The following OOSP2 variants were observed in gnomAD, a reference collection of about 807,000 sequenced individuals.
The protein encoded by OOSP2 is oocyte secreted protein 2.
In OOSP2, 7 loss-of-function variants were observed where a neutral mutation model predicts 13.4. The observed-to-expected ratio is 0.52, with a 90% CI of 0.30 to 0.98. The LOEUF (loss-of-function observed/expected upper bound fraction) is 0.98, where lower values mean the gene tolerates loss of function less well. Among genes scored for constraint, OOSP2 ranks in the 50% least tolerant of loss-of-function variants. The probability of loss-of-function intolerance (pLI) is 0.07; values close to 1 mark genes in which losing one functional copy is unlikely to be tolerated. For missense variants in OOSP2, 184 were observed against 188.5 expected, an observed-to-expected ratio of 0.98 and a Z score of 0.14; for synonymous variants, 75 against 67.2, an observed-to-expected ratio of 1.12 and a Z score of -0.57.
intron 1 of OOSP2, 78 bp from the exon 2 acceptor site, chr11:60,043,391 G>T: frequency 2.4e-6 from 2 of 845,678 alleles, no homozygotes; most frequent in South Asian, 1.9e-5. Context: ...TTATCACAGA[G>T]GGCAGAGTTG....
At chr11:60,042,603 A>G (rs1225570922) in intron 1 of OOSP2, among the ~76,000 whole-genome samples, 1 of 152,176 alleles carries the variant, frequency 6.6e-6, no homozygotes, top group Non-Finnish European at 1.5e-5. Context: ...TATAGAGGAT[A>G]AAGATGGGTT....
In OOSP2 at chr11:60,047,153, T is replaced by A; in HGVS notation, c.*80T>A. ...GTTTCATTTTTTCATAGCAAAAATA[T>A]AGTTGGTGTATATCTCTCCTTAAGT... On this transcript the variant is annotated 3_prime_UTR_variant, in exon 4 of 4. Transcript: ENST00000278855. 8.3e-7 allele frequency: 1 copy of A among 1,203,696 alleles called. No individual in the cohort carries two copies. Among genetic ancestry groups the A allele is most frequent in the Non-Finnish European group, 1.2e-6 (1 of 845,494 alleles). 74.6% of individuals were successfully genotyped at this position (1,203,696 alleles called of 1,614,324 possible). A position where few individuals can be genotyped will look rare whatever the true frequency, so the allele number is the denominator to read the frequency against.
chr11:60,046,624 CA>C, intron 3 of OOSP2: 1 of 479,100 alleles, frequency 2.1e-6, no homozygotes, highest in Non-Finnish European at 4.1e-6. Flanking sequence ...TCTTAGGATC[CA>C]TTTGGCTGAG....
intron 2 of OOSP2, among the ~76,000 whole-genome samples, chr11:60,044,287 T>C (rs1854978909): frequency 6.6e-6 from 1 of 152,222 alleles, no homozygotes; most frequent in Non-Finnish European, 1.5e-5. Flanking sequence ...ATGCACTGCT[T>C]GTTGGTGGTA....
chr11:60,044,824 C>A, intron 3 of OOSP2, 50 bp downstream of exon 3: 3 of 836,140 alleles, frequency 3.6e-6, no homozygotes, highest in Non-Finnish European at 6.0e-6. Flanking sequence ...TTTACCTTTG[C>A]TTATGAGAAG....
rs755325379 is a variant in OOSP2, at chr11:60,044,703, C to T, written c.276C>T (p.Thr92=). Residue 92 remains threonine (T), a synonymous_variant, in exon 3 of 4, where the codon ACC becomes ACT. Coordinates refer to ENST00000278855, the MANE Select transcript of OOSP2 (RefSeq NM_173801.5). ...CTGAGGAAACTCTCCTTTTTCAAAC[C>T]GAGCTGTACTTTACCCCAAGGAATA... ...VVSEETLLFQ[T]ELYFTPRNID... The T allele has an allele frequency of 8.8e-6, 14 of 1,597,858 alleles. No homozygotes were observed. Among genetic ancestry groups the T allele is most frequent in the African/African-American group, 2.7e-5 (2 of 74,518 alleles).
chr11:60,041,723 C>T (rs374460597), intron 1 of OOSP2, among the ~76,000 whole-genome samples: 2 of 150,974 alleles, frequency 1.3e-5, no homozygotes, highest in Admixed American at 6.6e-5. Flanking sequence ...TAGTGGTGGG[C>T]GCCTGTAATC....
At chr11:60,046,163 C>G (rs1364295814) in intron 3 of OOSP2, among the ~76,000 whole-genome samples, 2 of 150,972 alleles carry the variant, frequency 1.3e-5, no homozygotes, top group Non-Finnish European at 2.9e-5. Flanking sequence ...GTCTCTCTGT[C>G]TCTCGCTCTG....
Position 60,043,577 on chromosome 11 carries a change from C to G in OOSP2, c.173C>G (p.Pro58Arg). The G allele has an allele frequency of 1.2e-6, 2 of 1,609,560 alleles. No individual in the cohort carries two copies. The highest frequency in any genetic ancestry group is 2.2e-5 in the South Asian group (2 of 90,992). The change falls in exon 2 of 4, where the codon CCT (proline) becomes CGT (arginine). Residue 58 changes from proline to arginine, a missense_variant. Coordinates refer to ENST00000278855, the MANE Select transcript of OOSP2 (RefSeq NM_173801.5). ...ADELHLGMGC[P>R]ANRIHTYVYE... ...GAATTACATCTGGGAATGGGCTGCC[C>G]TGCAAATCGGATACATACATATGTA...
At position 60,046,820 on chromosome 11, in the gene OOSP2, T is replaced by G. The variant is rs1855013673; in HGVS notation, c.348-124T>G. The G allele has an allele frequency of 4.8e-6, 4 of 841,204 alleles. No homozygotes were observed. In the South Asian group the frequency reaches 5.3e-5, roughly 11 times the overall value. The allele number at this position is 841,204 out of a possible 1,614,324, so 52.1% of individuals were successfully genotyped here. A position where few individuals can be genotyped will look rare whatever the true frequency, so the allele number is the denominator to read the frequency against. On this transcript the variant is annotated intron_variant, in intron 3 of 3. Transcript: ENST00000278855. The stretch of plus-strand genomic sequence containing the variant: ...CCACGAGGATCTAGAAGGCATAGTA[T>G]GCTGGCTCTATGCCATACTCCTGAA...
At chr11:60,041,846 GTC>G (rs1854932540) in intron 1 of OOSP2, among the ~76,000 whole-genome samples, 2 of 34,300 alleles carry the variant, frequency 5.8e-5, no homozygotes, top group South Asian at 1.5e-3. Context: ...GCGAGACTCT[GTC>G]TCAAAAAAAA....
At position 60,040,486 on chromosome 11, in the gene OOSP2, C is replaced by T. The variant is rs150029173; in HGVS notation, c.27C>T (p.Leu9=). The part of the protein sequence containing the change: MALEVLML[L]AVLIWTGAEN... ...TGGCGTTAGAAGTCTTGATGCTCCT[C>T]GCTGTCTTGATTTGGACCGGTGCTG... Residue 9 remains leucine, a synonymous_variant, in exon 1 of 4, where the codon CTC becomes CTT. Transcript: ENST00000278855. The T allele has an allele frequency of 1.1e-5, 17 of 1,604,154 alleles. No homozygotes were observed. Among genetic ancestry groups the T allele is most frequent in the East Asian group, 6.7e-5 (3 of 44,842 alleles).
rs770141960 is a variant in OOSP2, at chr11:60,040,521, A to G, written c.62A>G (p.His21Arg). The stretch of plus-strand genomic sequence containing the variant: ...ATTTGGACCGGTGCTGAGAACCTCC[A>G]TGGTAAATAACAAGTTTTAGAGAAT... ...VLIWTGAENL[H>R]VKISCSLDWL... The change falls in exon 1 of 4, where the codon CAT becomes CGT. Residue 21 changes from histidine to arginine, a missense_variant and splice_region_variant. Transcript: ENST00000278855. 31 of 1,551,280 alleles carry G rather than the reference A, an allele frequency of 2.0e-5. No homozygotes were observed. The highest frequency in any genetic ancestry group is 5.0e-5 in the Admixed American group (3 of 59,924).
At chr11:60,046,092 G>A (rs973424286) in intron 3 of OOSP2, among the ~76,000 whole-genome samples, 1 of 142,224 alleles carries the variant, frequency 7.0e-6, no homozygotes, top group Non-Finnish European at 1.5e-5. Context: ...CTCTCTCTCT[G>A]TCTCTGTCCC....
chr11:60,046,243 C>CTCCATCTCTT (rs1268729124), intron 3 of OOSP2, among the ~76,000 whole-genome samples: 1 of 151,936 alleles, frequency 6.6e-6, no homozygotes, highest in Non-Finnish European at 1.5e-5. Flanking sequence ...CTCTCTCCAT[C>CTCCATCTCTT]TCCATCTCTT....
intron 3 of OOSP2, among the ~76,000 whole-genome samples, chr11:60,045,112 T>C (rs1854992016): frequency 6.6e-6 from 1 of 150,840 alleles, no homozygotes; most frequent in South Asian, 2.1e-4. Flanking sequence ...AGCACTGATA[T>C]TATCTTTCAA....
intron 1 of OOSP2, among the ~76,000 whole-genome samples, chr11:60,042,956 G>A (rs893805988): frequency 6.6e-6 from 1 of 151,514 alleles, no homozygotes; most frequent in Admixed American, 6.6e-5. Context: ...CCAGGCTGGA[G>A]TGCAGTGGCG....
chr11:60,046,715 G>A, intron 3 of OOSP2: 1 of 641,446 alleles, frequency 1.6e-6, no homozygotes, highest in South Asian at 1.5e-5. Flanking sequence ...TCTACTCAGT[G>A]TTTGATGCAG....
rs753846034 is a variant in OOSP2 at position 60,040,464 on chromosome 11, C to T, written c.5C>T (p.Ala2Val). ...TCTGCTCAGACGAAGGTCTCCATGG[C>T]GTTAGAAGTCTTGATGCTCCTCGCT... M[A>V]LEVLMLLAVL... is the part of the protein sequence containing the mutation. Residue 2 changes from alanine to valine, a missense_variant, in exon 1 of 4, where the codon GCG (alanine) becomes GTG (valine). Ala to Val is a moderately conservative substitution (Grantham distance 64). Coordinates refer to ENST00000278855, the MANE Select transcript of OOSP2 (RefSeq NM_173801.5). 3.7e-5 allele frequency: 59 copies of T among 1,589,040 alleles called. No individual in the cohort carries two copies. The South Asian group carries it at 5.6e-4, about 15-fold the overall frequency.
Sources: allele counts gnomAD v4.1 joint callset (sites outside exome capture counted in the v4.1 genomes callset), GRCh38; gene constraint gnomAD v4.1.1; transcripts MANE v1.5; gene names NCBI Gene and HGNC (gene_info 2026-07-23, HGNC 2026-07-21).